The following CAPN14 variants were observed in gnomAD, a reference collection of about 807,000 sequenced individuals.
CAPN14 encodes calpain 14.
In CAPN14, 94 loss-of-function variants were observed where a neutral mutation model predicts 101.3. The observed-to-expected ratio is 0.93, with a 90% CI of 0.79 to 1.10. The LOEUF is 1.10. Among genes scored for constraint, CAPN14 ranks in the 50% least tolerant of loss-of-function variants. The pLI is 0.00. For missense variants in CAPN14, 837 were observed against 828.4 expected (o/e 1.01, Z -0.13); for synonymous variants, 338 against 317.9 (o/e 1.06, Z -0.67).
chr2:31,201,107 A>ATGTGTGTGTG (rs1255852378), intron 5 of CAPN14, among the ~76,000 whole-genome samples: 1 of 150,116 alleles, frequency 6.7e-6, no homozygotes, highest in East Asian at 2.0e-4. Flanking sequence ...GTGTGTGTGC[A>ATGTGTGTGTG]TGTGCGTGTG....
At chr2:31,190,564 T>C (rs1238866726) in intron 12 of CAPN14, among the ~76,000 whole-genome samples, 1 of 152,202 alleles carries the variant, frequency 6.6e-6, no homozygotes, top group Non-Finnish European at 1.5e-5. Flanking sequence ...TCAATGGCTT[T>C]GAAATTTTGT....
At position 31,191,427 on chromosome 2, in the gene CAPN14, ACAG is replaced by A. The variant is rs1553393165; in HGVS notation, c.1279-23_1279-21del. On this transcript the variant is annotated intron_variant, in intron 11 of 21. Coordinates refer to ENST00000403897, the MANE Select transcript of CAPN14 (RefSeq NM_001145122.2). Reference sequence around the variant, plus strand: ...GTTCATCTAAAAAACAAAAACAAAAACAGAAAAAAAAAAAAAAAGAGGAGAGAG... The same window carrying A: ...GTTCATCTAAAAAACAAAAACAAAAAAAAAAAAAAAAAAAAGAGGAGAGAG... The A allele has an allele frequency of 2.0e-6, 3 of 1,523,388 alleles. No homozygotes were observed. In the South Asian group the frequency reaches 3.7e-5, roughly 19 times the overall value. The allele number at this position is 1,523,388 out of a possible 1,614,324, so 94.4% of individuals were successfully genotyped here.
Position 31,189,296 on chromosome 2 carries a change from G to C in CAPN14, c.1470C>G (p.Val490=), listed in dbSNP as rs1433846825. 10 of 1,551,324 alleles carry C rather than the reference G, an allele frequency of 6.4e-6. No individual in the cohort carries two copies. The highest frequency in any genetic ancestry group is 8.7e-6 in the Non-Finnish European group (10 of 1,147,012). Residue 490 remains valine (V), a synonymous_variant, in exon 13 of 22, where the codon GTC becomes GTG. Coordinates refer to ENST00000403897, the MANE Select transcript of CAPN14 (RefSeq NM_001145122.2). ...ACTAAAAGATGTGCTTCCTGGAGAA[G>C]ACCCTGAGGACGAACTCTGACTTCT... The part of the protein sequence containing the change: ...AHQKSEFVLR[V]FSRKHIFYEI...
chr2:31,174,660 G>A lies in CAPN14; in HGVS notation c.*21C>T, dbSNP rs913817675. 2 of 1,551,348 alleles carry A rather than the reference G, an allele frequency of 1.3e-6. No homozygotes were observed. The highest frequency in any genetic ancestry group is 1.7e-6 in the Non-Finnish European group (2 of 1,146,834). ...GGCCACATGCAGAGTCTTCAGTGAG[G>A]GCAGGTGAGACTCAGCCTTCTCAGG... is the stretch of plus-strand genomic sequence containing the variant. On this transcript the variant is annotated 3_prime_UTR_variant, in exon 22 of 22. Coordinates refer to ENST00000403897, the MANE Select transcript of CAPN14 (RefSeq NM_001145122.2).
intron 13 of CAPN14, among the ~76,000 whole-genome samples, chr2:31,189,015 T>C (rs934143741): frequency 1.3e-5 from 2 of 152,208 alleles, no homozygotes; most frequent in Non-Finnish European, 2.9e-5. Context: ...GACCTTGAAC[T>C]TCAGGAGGGC....
At chr2:31,196,437 T>A (rs1681473655) in intron 8 of CAPN14, among the ~76,000 whole-genome samples, 1 of 152,254 alleles carries the variant, frequency 6.6e-6, no homozygotes, top group South Asian at 2.1e-4. Flanking sequence ...CTAACAACAC[T>A]GTTTACTAAT....
chr2:31,182,781 A>G (rs1451586012), intron 16 of CAPN14, among the ~76,000 whole-genome samples: 3 of 151,722 alleles, frequency 2.0e-5, no homozygotes, highest in Non-Finnish European at 4.4e-5. Context: ...TATAGATTCA[A>G]TGCCATCCCC....
chr2:31,203,203 A>C (rs1681886768), intron 2 of CAPN14, 64 bp from the exon 3 acceptor site: 2 of 1,373,948 alleles, frequency 1.5e-6, no homozygotes, highest in Admixed American at 4.0e-5. Flanking sequence ...AGCTACAGTG[A>C]CCACGTTTTC....
intron 1 of CAPN14, among the ~76,000 whole-genome samples, chr2:31,211,671 GCA>G (rs34380519): frequency 0.12 from 18,139 of 149,346 alleles, 1,483 homozygotes; most frequent in African/African-American, 0.24. Flanking sequence ...GTGTGCATGT[GCA>G]CACACACACA....
At chr2:31,218,678 A>G (rs1682759487), upstream of CAPN14, among the ~76,000 whole-genome samples, 1 of 152,234 alleles carries the variant, frequency 6.6e-6, no homozygotes, top group South Asian at 2.1e-4. Flanking sequence ...CACATTCTAC[A>G]AAAAGAAAAC....
chr2:31,177,528 G>A (rs1211430231), intron 19 of CAPN14, among the ~76,000 whole-genome samples: 1 of 152,202 alleles, frequency 6.6e-6, no homozygotes, highest in Non-Finnish European at 1.5e-5. Flanking sequence ...TGGTGTTGAA[G>A]ATTAAATAAG....
intron 9 of CAPN14, among the ~76,000 whole-genome samples, chr2:31,194,162 G>A (rs1681355467): frequency 6.6e-6 from 1 of 152,234 alleles, no homozygotes; most frequent in Admixed American, 6.5e-5. Context: ...AAGCCAGAGA[G>A]GAGGAAACAG....
At chr2:31,206,015 A>G (rs1260392137) in intron 1 of CAPN14, among the ~76,000 whole-genome samples, 1 of 141,438 alleles carries the variant, frequency 7.1e-6, no homozygotes, top group Admixed American at 7.2e-5. Flanking sequence ...CTCCTACATT[A>G]TCTTTATTTT....
intron 13 of CAPN14, among the ~76,000 whole-genome samples, 195 bp downstream of exon 13, chr2:31,189,078 T>C (rs779305387): frequency 5.9e-5 from 9 of 152,192 alleles, no homozygotes; most frequent in Non-Finnish European, 1.2e-4. Context: ...ATGGTGTTAG[T>C]TTGTGAGTGG....
intron 16 of CAPN14, among the ~76,000 whole-genome samples, chr2:31,181,208 C>G (rs1680578668): frequency 6.6e-6 from 1 of 152,092 alleles, no homozygotes. Flanking sequence ...ATAGGGGATG[C>G]CTGGTACGGC....
At chr2:31,221,834 T>G (rs533822172), upstream of CAPN14, among the ~76,000 whole-genome samples, 1 of 152,284 alleles carries the variant, frequency 6.6e-6, no homozygotes, top group South Asian at 2.1e-4. Context: ...GCCCAGAAGA[T>G]GCAAGAAAAG....
Position 31,180,946 on chromosome 2 carries a change from G to GC in CAPN14, c.1699dup (p.Ala567GlyfsTer6). On this transcript the variant is annotated frameshift_variant, in exon 17 of 22. Coordinates refer to ENST00000403897, the MANE Select transcript of CAPN14 (RefSeq NM_001145122.2). LOFTEE classifies it high-confidence loss of function. ...AACCTGAAAGGATACGTCCAGTAAG[G>GC]CCAGGATCCCCTGGCAGGCTTCCAG... 6.4e-7 allele frequency: 1 copy of GC among 1,551,744 alleles called. No homozygotes were observed. Among genetic ancestry groups the GC allele is most frequent in the Non-Finnish European group, 8.7e-7 (1 of 1,146,948 alleles).
At chr2:31,179,060 C>CTATATATATA (rs60701103) in intron 17 of CAPN14, among the ~76,000 whole-genome samples, 1,116 of 68,774 alleles carry the variant, frequency 0.016, 20 homozygotes, top group African/African-American at 0.074. Context: ...TTATTGAGTT[C>CTATATATATA]TATATATATA....
At chr2:31,181,430 CTTT>C (rs1680606376) in intron 16 of CAPN14, among the ~76,000 whole-genome samples, 1 of 142,626 alleles carries the variant, frequency 7.0e-6, no homozygotes, top group Non-Finnish European at 1.5e-5. Context: ...TTCTTTCTTT[CTTT>C]CTTTCTTTCT....
Sources: allele counts gnomAD v4.1 joint callset (sites outside exome capture counted in the v4.1 genomes callset), GRCh38; gene constraint gnomAD v4.1.1; transcripts MANE v1.5; gene names NCBI Gene and HGNC (gene_info 2026-07-23, HGNC 2026-07-21).